ZEB1: variants seen among roughly 807,000 people sequenced by gnomAD.
ZEB1 encodes the protein zinc finger E-box-binding homeobox 1.
ZEB1 carries 21 observed loss-of-function variants against 84.9 expected under a neutral mutation model. That is an observed-to-expected ratio of 0.25 (90% CI 0.18 to 0.36). The LOEUF (loss-of-function observed/expected upper bound fraction) is 0.36, where lower values mean the gene tolerates loss of function less well. Among genes scored for constraint, ZEB1 ranks in the 10% least tolerant of loss-of-function variants. The probability of loss-of-function intolerance (pLI) is 1.00; values close to 1 mark genes in which losing one functional copy is unlikely to be tolerated. For missense variants in ZEB1, 1,104 were observed against 1,330.2 expected, an observed-to-expected ratio of 0.83 and a Z score of 2.65; for synonymous variants, 420 against 471.1, an observed-to-expected ratio of 0.89 and a Z score of 1.41.
At chr10:31,477,179 T>G (rs180781935) in intron 2 of ZEB1, among the ~76,000 whole-genome samples, 24 of 152,016 alleles carry the variant, frequency 1.6e-4, no homozygotes, top group African/African-American at 5.8e-4. Flanking sequence ...CTCCTAGACT[T>G]GATAAACAAC....
chr10:31,498,010 C>T (rs2067523464), intron 3 of ZEB1, among the ~76,000 whole-genome samples: 2 of 151,904 alleles, frequency 1.3e-5, no homozygotes, highest in African/African-American at 4.8e-5. Context: ...AATATTTGCT[C>T]TCTCAAATAC....
At chr10:31,460,792 T>C (rs775696499) in intron 1 of ZEB1, among the ~76,000 whole-genome samples, 7 of 152,118 alleles carry the variant, frequency 4.6e-5, no homozygotes, top group Non-Finnish European at 7.4e-5. Flanking sequence ...ATTTAATGGG[T>C]TAGTATTTAT....
chr10:31,412,818 T>G (rs2054548906), intron 1 of ZEB1, among the ~76,000 whole-genome samples: 1 of 152,204 alleles, frequency 6.6e-6, no homozygotes, highest in East Asian at 1.9e-4. Context: ...AGAAAGCATC[T>G]GGCTGAAAGT....
At chr10:31,444,441 T>G (rs1481770075) in intron 1 of ZEB1, among the ~76,000 whole-genome samples, 4 of 151,992 alleles carry the variant, frequency 2.6e-5, no homozygotes, top group South Asian at 2.1e-4. Context: ...GTCAATTTTG[T>G]CTTCTGTTGC....
chr10:31,496,783 C>T (rs532322844), intron 3 of ZEB1, among the ~76,000 whole-genome samples: 5 of 151,986 alleles, frequency 3.3e-5, no homozygotes, highest in Admixed American at 2.0e-4. Flanking sequence ...TAGGAATATT[C>T]CATAAAGGCT....
chr10:31,507,095 G>T (rs2069111181), intron 4 of ZEB1, among the ~76,000 whole-genome samples: 1 of 152,034 alleles, frequency 6.6e-6, no homozygotes, highest in Non-Finnish European at 1.5e-5. Context: ...GGATAATTTT[G>T]CTGGGTATGA....
rs2072193749 is a variant in ZEB1 at position 31,520,938 on chromosome 10, G to T, written c.1606G>T (p.Asp536Tyr). ...GVNDSTCLLC[D>Y]DCPGDINALP... ...GAATGATAGCACTTGTCTTCTGTGT[G>T]ATGATTGTCCAGGAGATATTAATGC... The change falls in exon 7 of 9, where the codon GAT (aspartate) becomes TAT (tyrosine). Residue 536 changes from aspartate (D) to tyrosine (Y), a missense_variant. Asp to Tyr is a radical substitution (Grantham distance 160). This residue lies in a region of ZEB1 where 531 missense variants were observed against 575.2 expected (regional missense o/e 0.92). Transcript: ENST00000424869. The surrounding 1 kb of genome is among the most constrained non-coding windows in gnomAD (Gnocchi z 5.1). 6.2e-7 allele frequency: 1 copy of T among 1,614,120 alleles called. No individual in the cohort carries two copies. The highest frequency in any genetic ancestry group is 2.2e-5 in the East Asian group (1 of 44,862).
rs1393302497 is a variant in ZEB1, at chr10:31,524,000, C to T, written c.2672C>T (p.Thr891Ile). ...NVEDQNDSDS[T>I]PPKKKMRKTE... The stretch of plus-strand genomic sequence containing the variant: ...GAGGATCAGAATGACTCTGATTCTA[C>T]ACCGCCCAAAAAGAAAATGCGGAAG... Residue 891 changes from threonine (T) to isoleucine (I), a missense_variant, in exon 8 of 9, where the codon ACA becomes ATA. Coordinates refer to ENST00000424869, the MANE Select transcript of ZEB1 (RefSeq NM_001174096.2). 1.2e-6 allele frequency: 2 copies of T among 1,613,808 alleles called. No homozygotes were observed. The highest frequency in any genetic ancestry group is 1.3e-5 in the African/African-American group (1 of 74,892).
At chr10:31,459,830 AGT>A (rs3086581) in intron 1 of ZEB1, among the ~76,000 whole-genome samples, 26,330 of 129,312 alleles carry the variant, frequency 0.2, 2,583 homozygotes, top group Non-Finnish European at 0.25. Context: ...TGTTCTCAGG[AGT>A]GTGTGTGTGT....
intron 1 of ZEB1, among the ~76,000 whole-genome samples, chr10:31,393,502 ATAT>A (rs2135300355): frequency 6.6e-6 from 1 of 152,086 alleles, no homozygotes; most frequent in Admixed American, 6.5e-5. Context: ...ATATTTGCAA[ATAT>A]TTGTAAATAG....
chr10:31,393,619 G>A (rs1323855146), intron 1 of ZEB1, among the ~76,000 whole-genome samples: 2 of 152,134 alleles, frequency 1.3e-5, no homozygotes, highest in Non-Finnish European at 2.9e-5. Context: ...CATTAAAACA[G>A]TGCTAGGTTC....
chr10:31,522,833 C>G (rs574877933), intron 7 of ZEB1, among the ~76,000 whole-genome samples: 9 of 152,032 alleles, frequency 5.9e-5, no homozygotes, highest in Non-Finnish European at 1.0e-4. Context: ...TTTGTTTTCC[C>G]TTAAATATTG....
intron 1 of ZEB1, among the ~76,000 whole-genome samples, chr10:31,412,803 A>T (rs1414755201): frequency 6.6e-6 from 1 of 152,198 alleles, no homozygotes; most frequent in Admixed American, 6.5e-5. Flanking sequence ...ATACCAACAG[A>T]TATCAGAAAG....
chr10:31,319,207 C>A, upstream of ZEB1: 1 of 1,590,494 alleles, frequency 6.3e-7, no homozygotes, highest in South Asian at 1.1e-5. Flanking sequence ...GGAGGTGACT[C>A]GAGCATTTAG....
At position 31,527,451 on chromosome 10, in the gene ZEB1, ACAAAAT is replaced by A; in HGVS notation, c.*188_*193del. On this transcript the variant is annotated 3_prime_UTR_variant, in exon 9 of 9. Transcript: ENST00000424869. ...CACACACACACACACACACACACAC[ACAAAAT>A]AAATCCGGGTGTGCCTGAACCTCAG... is the stretch of plus-strand genomic sequence containing the variant. The A allele has an allele frequency of 1.4e-6, 1 of 724,260 alleles. No individual in the cohort carries two copies. Among genetic ancestry groups the A allele is most frequent in the Non-Finnish European group, 2.2e-6 (1 of 462,552 alleles). The allele number at this position is 724,260 out of a possible 1,614,324, so 44.9% of individuals were successfully genotyped here. A position where few individuals can be genotyped will look rare whatever the true frequency, so the allele number is the denominator to read the frequency against.
At chr10:31,442,121 C>G (rs113353726) in intron 1 of ZEB1, among the ~76,000 whole-genome samples, 1 of 152,228 alleles carries the variant, frequency 6.6e-6, no homozygotes, top group East Asian at 1.9e-4. Flanking sequence ...ATGTTGATTG[C>G]GGCACTATTC....
intron 1 of ZEB1, among the ~76,000 whole-genome samples, chr10:31,440,144 G>C (rs1415595900): frequency 6.6e-6 from 1 of 152,128 alleles, no homozygotes; most frequent in Non-Finnish European, 1.5e-5. Context: ...GAGAGAAAAA[G>C]AGGAGTCAAA....
intron 1 of ZEB1, among the ~76,000 whole-genome samples, chr10:31,443,538 A>G (rs1442876010): frequency 1.4e-5 from 2 of 145,924 alleles, no homozygotes; most frequent in Non-Finnish European, 3.0e-5. Context: ...CATTAGGTAT[A>G]TCTCCCAATG....
intron 1 of ZEB1, among the ~76,000 whole-genome samples, chr10:31,350,355 T>C (rs973375128): frequency 2.4e-4 from 36 of 152,196 alleles, no homozygotes; most frequent in Admixed American, 2.0e-3. Context: ...TTGGACCTGA[T>C]TATTTCTCTT....
Sources: gnomAD v4.1 joint callset for allele counts (sites outside exome capture counted in the v4.1 genomes callset) on GRCh38, gnomAD v4.1.1 for gene constraint, gnomAD v4.1.1 regional missense constraint, Gnocchi (gnomAD v3.1) non-coding constraint, MANE v1.5 for transcripts, NCBI Gene and HGNC (gene_info 2026-07-23, HGNC 2026-07-21) for gene names.